The following VTI1A variants were observed in gnomAD, a reference collection of about 807,000 sequenced individuals.
VTI1A encodes the protein vesicle transport through interaction with t-SNAREs homolog 1A.
VTI1A carries 22 observed loss-of-function variants against 34.9 expected under a neutral mutation model. The ratio of observed to expected loss-of-function variants is 0.63; its 90% CI spans 0.45 to 0.90. The LOEUF is 0.90. VTI1A is among the 40% of genes least tolerant of loss of function. The pLI, the probability that VTI1A is intolerant of heterozygous loss-of-function variation, is 0.00. For missense variants in VTI1A, 268 were observed against 275.6 expected (o/e 0.97, Z 0.20); for synonymous variants, 87 against 97.3 (o/e 0.89, Z 0.62).
At chr10:112,561,018 C>A (rs574187559) in intron 5 of VTI1A, among the ~76,000 whole-genome samples, 2 of 152,060 alleles carry the variant, frequency 1.3e-5, no homozygotes, top group East Asian at 3.9e-4. Flanking sequence ...TAGAATTAAT[C>A]TTTGTCTCTT....
chr10:112,726,851 T>C (rs1271864637), intron 7 of VTI1A, among the ~76,000 whole-genome samples: 1 of 152,284 alleles, frequency 6.6e-6, no homozygotes, highest in East Asian at 1.9e-4. Flanking sequence ...GGCATATAGC[T>C]GATACCGGGG....
chr10:112,818,087 G>A lies in VTI1A; in HGVS notation c.*2704G>A, dbSNP rs1266970846. On this transcript the variant is annotated 3_prime_UTR_variant, in exon 8 of 8. Transcript: ENST00000393077. ...GTCTGACGTCAGCTGCCGGGCCTGG[G>A]CTGGGAGGCCATTTGCTATTCTGTT... The A allele has an allele frequency of 1.7e-5, 4 of 233,392 alleles. No individual in the cohort carries two copies. Among genetic ancestry groups the A allele is most frequent in the Non-Finnish European group, 3.4e-5 (4 of 117,922 alleles). The allele number at this position is 233,392 out of a possible 1,614,324, so 14.5% of individuals were successfully genotyped here.
chr10:112,658,214 A>G (rs1847308716), intron 5 of VTI1A, among the ~76,000 whole-genome samples: 1 of 152,120 alleles, frequency 6.6e-6, no homozygotes, highest in South Asian at 2.1e-4. Flanking sequence ...TAGCCTCCCA[A>G]GAAGCTGATA....
intron 3 of VTI1A, among the ~76,000 whole-genome samples, chr10:112,485,487 A>G (rs147259065): frequency 0.01 from 1,568 of 152,288 alleles, 25 homozygotes; most frequent in African/African-American, 0.035. Context: ...TTACCTTATC[A>G]GTAGTTATAG....
the VTI1A span, among the ~76,000 whole-genome samples, chr10:112,854,238 A>G: frequency 6.6e-6 from 1 of 152,230 alleles, no homozygotes; most frequent in Non-Finnish European, 1.5e-5. Flanking sequence ...AACAATAATA[A>G]GTACTAGCAG....
At chr10:112,769,425 G>A (rs1851738022) in intron 7 of VTI1A, among the ~76,000 whole-genome samples, 1 of 152,192 alleles carries the variant, frequency 6.6e-6, no homozygotes, top group African/African-American at 2.4e-5. Flanking sequence ...GGAAGAAAGT[G>A]AGTTGACTTA....
At chr10:112,761,077 G>C (rs534366329) in intron 7 of VTI1A, among the ~76,000 whole-genome samples, 4 of 152,172 alleles carry the variant, frequency 2.6e-5, no homozygotes, top group African/African-American at 9.6e-5. Context: ...TTTCAAGGCT[G>C]AAAAAATTAA....
intron 3 of VTI1A, among the ~76,000 whole-genome samples, chr10:112,469,786 A>G (rs1299943705): frequency 1.3e-5 from 2 of 152,076 alleles, no homozygotes; most frequent in African/African-American, 4.8e-5. Context: ...CTACATATGC[A>G]AGTTCATTTT....
At chr10:112,821,488 C>T (rs1467670964), downstream of VTI1A, among the ~76,000 whole-genome samples, 1 of 152,064 alleles carries the variant, frequency 6.6e-6, no homozygotes, top group Non-Finnish European at 1.5e-5. Flanking sequence ...AATGTTTTTT[C>T]GTGACGAGGC....
Position 112,464,553 on chromosome 10 carries a change from C to A in VTI1A, c.160C>A (p.Gln54Lys). The change falls in exon 3 of 8, where the codon CAG becomes AAG. Residue 54 changes from glutamine to lysine, a missense_variant. Physicochemically the swap from Gln to Lys is moderately conservative, Grantham distance 53. Transcript: ENST00000393077. Reference sequence around the variant, plus strand: ...TTTTCTTTCCCTCTTCTAGCTTGAACAGATGGATTTGGAAGTCCGAGAGAT... The same window carrying A: ...TTTTCTTTCCCTCTTCTAGCTTGAAAAGATGGATTTGGAAGTCCGAGAGAT... ...QLEEAKELLE[Q>K]MDLEVREIPP... 1 of 1,611,722 alleles carries A rather than the reference C, an allele frequency of 6.2e-7. No homozygotes were observed. The highest frequency in any genetic ancestry group is 1.7e-5 in the Admixed American group (1 of 60,016).
intron 7 of VTI1A, among the ~76,000 whole-genome samples, chr10:112,679,913 T>G (rs1379953966): frequency 6.6e-6 from 1 of 152,178 alleles, no homozygotes; most frequent in East Asian, 1.9e-4. Context: ...CATGGAGTCT[T>G]GAATCTCTGA....
At chr10:112,641,889 G>A (rs1186606917) in intron 5 of VTI1A, among the ~76,000 whole-genome samples, 5 of 152,140 alleles carry the variant, frequency 3.3e-5, no homozygotes, top group Non-Finnish European at 7.3e-5. Flanking sequence ...CAAATGGGCC[G>A]CAGAAAGAGG....
At chr10:112,678,412 C>A (rs569188447) in intron 7 of VTI1A, among the ~76,000 whole-genome samples, 7 of 152,162 alleles carry the variant, frequency 4.6e-5, no homozygotes, top group Non-Finnish European at 8.8e-5. Flanking sequence ...TATTTATTAA[C>A]ATATACCATC....
chr10:112,454,723 A>G (rs1425153345), intron 1 of VTI1A, among the ~76,000 whole-genome samples: 1 of 152,094 alleles, frequency 6.6e-6, no homozygotes, highest in Admixed American at 6.5e-5. Context: ...AAAAAAAAAA[A>G]AAAAAGTGGG....
At chr10:112,731,418 C>T (rs1020298029) in intron 7 of VTI1A, among the ~76,000 whole-genome samples, 2 of 151,702 alleles carry the variant, frequency 1.3e-5, no homozygotes, top group African/African-American at 4.8e-5. Flanking sequence ...ACTAAAAATA[C>T]AAAAAAATTA....
At chr10:112,702,787 T>C (rs888387279) in intron 7 of VTI1A, among the ~76,000 whole-genome samples, 6 of 152,206 alleles carry the variant, frequency 3.9e-5, no homozygotes, top group Non-Finnish European at 5.9e-5. Context: ...GATTTCACCA[T>C]ATTGGCCAGG....
chr10:112,496,009 C>T (rs2134138094), intron 3 of VTI1A, among the ~76,000 whole-genome samples: 1 of 152,270 alleles, frequency 6.6e-6, no homozygotes. Context: ...CACCGTTAAC[C>T]TTGACAAGAA....
At chr10:112,554,778 C>T (rs1851486602) in intron 5 of VTI1A, among the ~76,000 whole-genome samples, 1 of 152,086 alleles carries the variant, frequency 6.6e-6, no homozygotes, top group African/African-American at 2.4e-5. Context: ...TTTGCCTCTT[C>T]TTTCTTTCCT....
At chr10:112,742,360 G>C (rs1850722656) in intron 7 of VTI1A, among the ~76,000 whole-genome samples, 1 of 152,176 alleles carries the variant, frequency 6.6e-6, no homozygotes, top group African/African-American at 2.4e-5. Context: ...TAAACAGCTT[G>C]ATACAGAACC....
Sources: allele counts gnomAD v4.1 joint callset (sites outside exome capture counted in the v4.1 genomes callset), GRCh38; gene constraint gnomAD v4.1.1; transcripts MANE v1.5; gene names NCBI Gene and HGNC (gene_info 2026-07-23, HGNC 2026-07-21).